GALNT13: variants seen among roughly 807,000 people sequenced by gnomAD.
GALNT13 encodes the protein UDP-GalNAc:polypeptide N-acetylgalactosaminyltransferase 13.
Under a neutral mutation model 64.2 loss-of-function variants are expected in GALNT13, and 28 were observed. That is an observed-to-expected ratio of 0.44 (90% confidence interval 0.32 to 0.60). GALNT13 has a LOEUF of 0.60. GALNT13 is among the 20% of genes least tolerant of loss of function. The pLI, the probability that GALNT13 is intolerant of heterozygous loss-of-function variation, is 0.05. For synonymous variants in GALNT13, 214 were observed against 224.6 expected, an observed-to-expected ratio of 0.95 and a Z score of 0.42; for missense variants, 577 against 669.8, an observed-to-expected ratio of 0.86 and a Z score of 1.53.
At chr2:154,282,707 A>T (rs189152857) in intron 8 of GALNT13, among the ~76,000 whole-genome samples, 48 of 152,102 alleles carry the variant, frequency 3.2e-4, no homozygotes, top group African/African-American at 1.0e-3. Flanking sequence ...TATTTTGTTT[A>T]AAAAAAACAT....
chr2:153,275,888 T>C, the GALNT13 span, among the ~76,000 whole-genome samples: 1 of 152,192 alleles, frequency 6.6e-6, no homozygotes, highest in East Asian at 1.9e-4. Context: ...AATGAAATTA[T>C]CAGTATATTA....
At chr2:153,403,674 G>A in the GALNT13 span, among the ~76,000 whole-genome samples, 1 of 152,190 alleles carries the variant, frequency 6.6e-6, no homozygotes, top group Admixed American at 6.5e-5. Context: ...GTATTCGGGT[G>A]GGAGTGACCT....
chr2:154,013,324 C>CG (rs1464968514), intron 3 of GALNT13, among the ~76,000 whole-genome samples: 1 of 151,136 alleles, frequency 6.6e-6, no homozygotes, highest in Non-Finnish European at 1.5e-5. Context: ...CCGGGAAGCC[C>CG]CAGCTGTGTC....
chr2:153,611,439 G>C, the GALNT13 span, among the ~76,000 whole-genome samples: 28 of 152,022 alleles, frequency 1.8e-4, no homozygotes, highest in Non-Finnish European at 3.7e-4. Flanking sequence ...TGCAATCTTG[G>C]CTCACTTCCA....
the GALNT13 span, among the ~76,000 whole-genome samples, chr2:153,576,229 A>G: frequency 1.3e-5 from 2 of 152,080 alleles, no homozygotes; most frequent in Non-Finnish European, 2.9e-5. Flanking sequence ...GATTAGGGGA[A>G]GAGTGATGCT....
intron 9 of GALNT13, among the ~76,000 whole-genome samples, chr2:154,355,862 A>G (rs1696713466): frequency 6.6e-6 from 1 of 152,042 alleles, no homozygotes; most frequent in Non-Finnish European, 1.5e-5. Flanking sequence ...CTCTTGTACC[A>G]GTGTACCAAG....
chr2:154,068,239 A>C (rs2105382811), intron 3 of GALNT13, among the ~76,000 whole-genome samples: 1 of 152,106 alleles, frequency 6.6e-6, no homozygotes, highest in South Asian at 2.1e-4. Flanking sequence ...TGAGGACAAA[A>C]GGGAGCCCTC....
At chr2:153,097,749 A>G in the GALNT13 span, among the ~76,000 whole-genome samples, 11 of 152,142 alleles carry the variant, frequency 7.2e-5, no homozygotes, top group African/African-American at 2.4e-4. Flanking sequence ...TGTGCTCTCT[A>G]TTGTCAGATC....
chr2:153,698,005 A>C, the GALNT13 span, among the ~76,000 whole-genome samples: 1 of 152,216 alleles, frequency 6.6e-6, no homozygotes, highest in Non-Finnish European at 1.5e-5. Flanking sequence ...AAACTTCATA[A>C]GTGAAGGAGA....
At chr2:154,299,099 AAC>A (rs1201822701) in intron 8 of GALNT13, among the ~76,000 whole-genome samples, 1 of 149,362 alleles carries the variant, frequency 6.7e-6, no homozygotes. Flanking sequence ...GGTAAAAGGA[AAC>A]AGATAGGATA....
At chr2:154,356,214 A>G (rs910844959) in intron 9 of GALNT13, among the ~76,000 whole-genome samples, 2 of 151,944 alleles carry the variant, frequency 1.3e-5, no homozygotes, top group African/African-American at 2.4e-5. Flanking sequence ...GTTAATTTAA[A>G]TCTAACTGCT....
At chr2:153,453,904 A>T in the GALNT13 span, among the ~76,000 whole-genome samples, 1 of 152,196 alleles carries the variant, frequency 6.6e-6, no homozygotes, top group Non-Finnish European at 1.5e-5. Flanking sequence ...AAGAAAATGT[A>T]GTACATATAC....
At chr2:153,359,149 T>A in the GALNT13 span, among the ~76,000 whole-genome samples, 1 of 152,224 alleles carries the variant, frequency 6.6e-6, no homozygotes, top group Non-Finnish European at 1.5e-5. Context: ...TATCAATGAT[T>A]TTTACAAAAT....
At chr2:153,844,253 C>T in the GALNT13 span, among the ~76,000 whole-genome samples, 6 of 152,282 alleles carry the variant, frequency 3.9e-5, no homozygotes, top group East Asian at 3.9e-4. Context: ...AGGCAGAGGC[C>T]GTTCCTTCAC....
the GALNT13 span, among the ~76,000 whole-genome samples, chr2:153,646,300 A>G: frequency 6.6e-6 from 1 of 151,870 alleles, no homozygotes; most frequent in African/African-American, 2.4e-5. Context: ...ATTTACTAAG[A>G]TTATAGTTTT....
intron 9 of GALNT13, among the ~76,000 whole-genome samples, chr2:154,346,622 T>G (rs1018006915): frequency 6.6e-6 from 1 of 152,146 alleles, no homozygotes; most frequent in African/African-American, 2.4e-5. Flanking sequence ...CTGCCATGAT[T>G]GTGAGTCCTC....
the GALNT13 span, among the ~76,000 whole-genome samples, chr2:153,721,755 A>T: frequency 6.6e-6 from 1 of 151,960 alleles, no homozygotes; most frequent in Non-Finnish European, 1.5e-5. Flanking sequence ...AAGAGGAGCT[A>T]ACTATCCTAA....
At chr2:154,258,268 T>A (rs1255486176) in intron 7 of GALNT13, among the ~76,000 whole-genome samples, 1 of 152,160 alleles carries the variant, frequency 6.6e-6, no homozygotes, top group Non-Finnish European at 1.5e-5. Flanking sequence ...AAACTTCACA[T>A]CTGACTTCTC....
chr2:154,258,922 A>T (rs1035682923), intron 7 of GALNT13, 99 bp from the exon 8 acceptor site: 2 of 632,422 alleles, frequency 3.2e-6, no homozygotes, highest in African/African-American at 1.9e-5. Flanking sequence ...GAGATTTTTT[A>T]AATATTTAGA....
Sources: gnomAD v4.1 joint callset for allele counts (sites outside exome capture counted in the v4.1 genomes callset) on GRCh38, gnomAD v4.1.1 for gene constraint, MANE v1.5 for transcripts, NCBI Gene and HGNC (gene_info 2026-07-23, HGNC 2026-07-21) for gene names.